CRYBB1: variants seen among roughly 807,000 people sequenced by gnomAD.
CRYBB1 encodes the protein crystallin beta B1.
CRYBB1 carries 16 observed loss-of-function variants against 29.5 expected under a neutral mutation model. The ratio of observed to expected loss-of-function variants is 0.54; its 90% CI spans 0.37 to 0.82. The LOEUF is 0.82. Ranked by LOEUF, CRYBB1 falls within the 40% of genes least tolerant of loss-of-function variation. The probability of loss-of-function intolerance (pLI) is 0.00; values close to 1 mark genes in which losing one functional copy is unlikely to be tolerated. For synonymous variants in CRYBB1, 127 were observed against 136.7 expected, an observed-to-expected ratio of 0.93 and a Z score of 0.49; for missense variants, 300 against 350.5, an observed-to-expected ratio of 0.86 and a Z score of 1.15.
At chr22:26,607,592 G>A (rs1269483936) in intron 4 of CRYBB1, among the ~76,000 whole-genome samples, 1 of 149,676 alleles carries the variant, frequency 6.7e-6, no homozygotes, top group Non-Finnish European at 1.5e-5. Context: ...TCCCAGTAAG[G>A]TCTAAATGTG....
Position 26,602,951 on chromosome 22 carries a change from G to A in CRYBB1, c.433-930C>T, listed in dbSNP as rs144844900. On this transcript the variant is annotated intron_variant, in intron 4 of 5. Transcript: ENST00000647684. The stretch of plus-strand genomic sequence containing the variant: ...ATCCTGGCTAACACGATGAAACCCC[G>A]TCTCTACTAAAAATACAAAAAAAAT... Among the ~76,000 whole-genome samples, 89 of 151,166 alleles carry A rather than the reference G, an allele frequency of 5.9e-4. No homozygotes were observed. In the East Asian group the frequency reaches 0.01, roughly 18 times the overall value.
chr22:26,601,272 C>T (rs1179657699), intron 5 of CRYBB1, among the ~76,000 whole-genome samples: 6 of 152,102 alleles, frequency 3.9e-5, no homozygotes, highest in Non-Finnish European at 8.8e-5. Flanking sequence ...CTGGCCCTTC[C>T]ATGTATTCTC....
intron 3 of CRYBB1, among the ~76,000 whole-genome samples, chr22:26,608,668 AG>A (rs771332292): frequency 6.6e-6 from 1 of 152,204 alleles, no homozygotes; most frequent in Non-Finnish European, 1.5e-5. Flanking sequence ...TGTGGTTAGC[AG>A]GATCATTTTA....
chr22:26,601,767 AG>A, intron 5 of CRYBB1, 111 bp downstream of exon 5: 1 of 1,550,188 alleles, frequency 6.5e-7, no homozygotes, highest in South Asian at 1.2e-5. Flanking sequence ...AGACTGTGGA[AG>A]GGGCCATGGC....
chr22:26,602,528 C>A (rs980092639), intron 4 of CRYBB1, among the ~76,000 whole-genome samples: 3 of 150,908 alleles, frequency 2.0e-5, no homozygotes, highest in Non-Finnish European at 4.4e-5. Context: ...GAAGTTGAGG[C>A]TGCAGCGAGA....
At position 26,599,425 on chromosome 22, in the gene CRYBB1, A is replaced by G. The variant is rs1928752376; in HGVS notation, c.*65T>C. ...CTTTAGGGAATTTTATTTGCCTGGG[A>G]AAAATGGGGGAAATAATTGAACATG... On this transcript the variant is annotated 3_prime_UTR_variant, in exon 6 of 6. Coordinates refer to ENST00000647684, the MANE Select transcript of CRYBB1 (RefSeq NM_001887.4). The G allele has an allele frequency of 6.6e-7, 1 of 1,523,062 alleles. No homozygotes were observed. Among genetic ancestry groups the G allele is most frequent in the South Asian group, 1.2e-5 (1 of 82,558 alleles). The allele number at this position is 1,523,062 out of a possible 1,614,324, so 94.3% of individuals were successfully genotyped here.
Position 26,599,634 on chromosome 22 carries a change from C to G in CRYBB1, c.615G>C (p.Gln205His). Residue 205 changes from glutamine (Q) to histidine (H), a missense_variant, in exon 6 of 6, where the codon CAG becomes CAC. By Grantham distance (24) the Gln-to-His change is conservative. Coordinates refer to ENST00000647684, the MANE Select transcript of CRYBB1 (RefSeq NM_001887.4). The part of the protein sequence containing the change: ...GYQYPGYRGY[Q>H]YLLEPGDFRH... ...GGAAGTCACCAGGCTCTAGGAGGTACTGGTACCCGCGGTAGCCAGGATACT... is the reference window on the plus strand; with the variant it reads ...GGAAGTCACCAGGCTCTAGGAGGTAGTGGTACCCGCGGTAGCCAGGATACT... 6.2e-7 allele frequency: 1 copy of G among 1,614,208 alleles called. No homozygotes were observed. Among genetic ancestry groups the G allele is most frequent in the Middle Eastern group, 1.6e-4 (1 of 6,062 alleles).
At chr22:26,605,132 T>G (rs1291776987) in intron 4 of CRYBB1, among the ~76,000 whole-genome samples, 1 of 152,214 alleles carries the variant, frequency 6.6e-6, no homozygotes, top group Admixed American at 6.5e-5. Context: ...GGGAGCTGGC[T>G]TCCCTGATGA....
Position 26,599,531 on chromosome 22 carries a change from C to T in CRYBB1, c.718G>A (p.Glu240Lys), listed in dbSNP as rs535388635. The change falls in exon 6 of 6, where the codon GAG becomes AAG. Residue 240 changes from glutamate to lysine, a missense_variant. Coordinates refer to ENST00000647684, the MANE Select transcript of CRYBB1 (RefSeq NM_001887.4). ...GTGGCCAGGACAGGGAAGGACCCCT[C>T]GAGGTGCCACTGCTTGTCACGCAGG... ...RRLRDKQWHL[E>K]GSFPVLATEP... 2.1e-5 allele frequency: 34 copies of T among 1,613,780 alleles called. No individual in the cohort carries two copies. The South Asian group carries it at 3.2e-4, about 15-fold the overall frequency.
chr22:26,607,229 A>G (rs1052841340), intron 4 of CRYBB1, among the ~76,000 whole-genome samples: 4 of 151,388 alleles, frequency 2.6e-5, no homozygotes, highest in Admixed American at 1.3e-4. Context: ...CGTCATGTTG[A>G]TCAGGCTGGT....
chr22:26,617,448 G>A (rs1929393240), intron 1 of CRYBB1, among the ~76,000 whole-genome samples: 1 of 152,182 alleles, frequency 6.6e-6, no homozygotes, highest in African/African-American at 2.4e-5. Context: ...CTCCAGGAAG[G>A]CTGTGCATAT....
At chr22:26,611,380 G>A (rs1407458530) in intron 3 of CRYBB1, among the ~76,000 whole-genome samples, 1 of 152,124 alleles carries the variant, frequency 6.6e-6, no homozygotes, top group Non-Finnish European at 1.5e-5. Context: ...GCAGCTGGAC[G>A]CCCAGGAGAG....
chr22:26,614,311 C>T (rs1212654856), intron 2 of CRYBB1, among the ~76,000 whole-genome samples: 1 of 152,192 alleles, frequency 6.6e-6, no homozygotes, highest in Non-Finnish European at 1.5e-5. Context: ...TGTGGGGCAT[C>T]ACGGAACCTA....
Position 26,616,167 on chromosome 22 carries a change from C to T in CRYBB1, c.153G>A (p.Ala51=), listed in dbSNP as rs202017572. 3.4e-5 allele frequency: 55 copies of T among 1,614,052 alleles called. No homozygotes were observed. The highest frequency in any genetic ancestry group is 4.5e-5 in the Non-Finnish European group (53 of 1,180,018). The change falls in exon 2 of 6, where the codon GCG becomes GCA. Residue 51 remains alanine, a synonymous_variant. Transcript: ENST00000647684. ...PTTVPITSAK[A]AELPPGNYRL... ...TGTAGTTCCCAGGAGGCAGTTCCGC[C>T]GCCTTGGCGCTGGTAATAGGCACGG... is the stretch of plus-strand genomic sequence containing the variant.
At chr22:26,616,929 C>T (rs767269928) in intron 1 of CRYBB1, among the ~76,000 whole-genome samples, 18 of 152,318 alleles carry the variant, frequency 1.2e-4, no homozygotes, top group African/African-American at 3.4e-4. Context: ...AGTATTCTGC[C>T]ATTTGCTTAA....
At chr22:26,599,774 C>A (rs563081869) in intron 5 of CRYBB1, 101 bp from the exon 6 acceptor site, 55 of 894,092 alleles carry the variant, frequency 6.2e-5, no homozygotes, top group Non-Finnish European at 9.0e-5. Flanking sequence ...TCCCTGCAGT[C>A]GGCTGCTCTC....
At chr22:26,605,799 G>A (rs1928961129) in intron 4 of CRYBB1, among the ~76,000 whole-genome samples, 1 of 151,656 alleles carries the variant, frequency 6.6e-6, no homozygotes. Flanking sequence ...CCACGACAGG[G>A]GGCTGGAAAG....
intron 4 of CRYBB1, among the ~76,000 whole-genome samples, chr22:26,605,627 C>T (rs1419854589): frequency 7.5e-6 from 1 of 133,622 alleles, no homozygotes; most frequent in Non-Finnish European, 1.5e-5. Context: ...TGAGCCAGAA[C>T]GTGCCACTAC....
At chr22:26,617,151 G>T (rs150951065) in intron 1 of CRYBB1, among the ~76,000 whole-genome samples, 294 of 152,294 alleles carry the variant, frequency 1.9e-3, no homozygotes, top group African/African-American at 6.7e-3. Context: ...TGCATGTGGA[G>T]GGTTCTGAAA....
Sources: gnomAD v4.1 joint callset for allele counts (sites outside exome capture counted in the v4.1 genomes callset) on GRCh38, gnomAD v4.1.1 for gene constraint, MANE v1.5 for transcripts, NCBI Gene and HGNC (gene_info 2026-07-23, HGNC 2026-07-21) for gene names.